Variants in RALGPS2 observed in about 807,000 individuals in gnomAD.
RALGPS2 encodes the protein Ral GEF with PH domain and SH3 binding motif 2, also known as ras-specific guanine nucleotide-releasing factor RalGPS2.
A neutral mutation model predicts 86.8 loss-of-function variants in RALGPS2; 43 were observed. The observed-to-expected ratio is 0.50, with a 90% CI of 0.39 to 0.64. RALGPS2 has a LOEUF of 0.64. Among genes scored for constraint, RALGPS2 ranks in the 30% least tolerant of loss-of-function variants. RALGPS2 has a pLI of 0.00. For synonymous variants in RALGPS2, 243 were observed against 231.3 expected, an observed-to-expected ratio of 1.05 and a Z score of -0.46; for missense variants, 536 against 694.6, an observed-to-expected ratio of 0.77 and a Z score of 2.57.
intron 1 of RALGPS2, among the ~76,000 whole-genome samples, chr1:178,760,979 C>CTTTTTTTTTTT (rs200598214): frequency 7.2e-6 from 1 of 138,096 alleles, no homozygotes; most frequent in Non-Finnish European, 1.6e-5. Context: ...AGACTTTATT[C>CTTTTTTTTTTT]TTTTTTTTTT....
chr1:178,846,698 C>G (rs1029176512), intron 8 of RALGPS2, among the ~76,000 whole-genome samples: 2 of 152,152 alleles, frequency 1.3e-5, no homozygotes, highest in African/African-American at 4.8e-5. Context: ...AAAATAAGAA[C>G]AGCAGCTATA....
At position 178,798,006 on chromosome 1, in the gene RALGPS2, C is replaced by A. The variant is rs1365021269; in HGVS notation, c.214-10039C>A. Among the ~76,000 whole-genome samples the A allele has an allele frequency of 2.8e-4, 30 of 106,722 alleles. 2 individuals carry two copies. The highest frequency in any genetic ancestry group is 6.8e-4 in the African/African-American group (17 of 25,096). The allele number at this position is 106,722 out of a possible 152,430, so 70.0% of individuals were successfully genotyped here. ...TTTGTAAAAAAAAAAAAAAAAAAAA[C>A]CACATAGCTTAGAAATATAAAAAAA... On this transcript the variant is annotated intron_variant, in intron 4 of 19. Coordinates refer to ENST00000367635, the MANE Select transcript of RALGPS2 (RefSeq NM_152663.5).
chr1:178,729,548 A>G (rs897747489), intron 1 of RALGPS2, among the ~76,000 whole-genome samples: 1 of 152,244 alleles, frequency 6.6e-6, no homozygotes, highest in South Asian at 2.1e-4. Flanking sequence ...AAATTGTACT[A>G]CAAGGGTTAT....
chr1:178,837,339 T>C (rs559874965), intron 8 of RALGPS2, among the ~76,000 whole-genome samples: 1 of 152,308 alleles, frequency 6.6e-6, no homozygotes, highest in Non-Finnish European at 1.5e-5. Flanking sequence ...GAATTCATCA[T>C]GTCTTCTTCT....
At chr1:178,820,376 C>T (rs1655440053) in intron 6 of RALGPS2, among the ~76,000 whole-genome samples, 1 of 152,208 alleles carries the variant, frequency 6.6e-6, no homozygotes, top group Non-Finnish European at 1.5e-5. Flanking sequence ...AGAGGCTTCA[C>T]ATGTAAAAAT....
intron 2 of RALGPS2, among the ~76,000 whole-genome samples, chr1:178,780,899 G>A (rs537831742): frequency 9.9e-5 from 15 of 151,786 alleles, no homozygotes; most frequent in South Asian, 4.1e-4. Context: ...AATTTTCTCC[G>A]TAAATGTATG....
At chr1:178,760,094 T>C (rs536977450) in intron 1 of RALGPS2, among the ~76,000 whole-genome samples, 9 of 152,344 alleles carry the variant, frequency 5.9e-5, no homozygotes, top group Non-Finnish European at 1.0e-4. Context: ...CTGATTGCCC[T>C]AGCTAGGACT....
chr1:178,766,680 T>G (rs192147184), intron 1 of RALGPS2, among the ~76,000 whole-genome samples: 164 of 152,330 alleles, frequency 1.1e-3, no homozygotes, highest in African/African-American at 3.6e-3. Context: ...CTTTAACATT[T>G]TTTCTTTCAT....
intron 19 of RALGPS2, among the ~76,000 whole-genome samples, chr1:178,912,578 T>C (rs1217092093): frequency 6.6e-6 from 1 of 152,168 alleles, no homozygotes; most frequent in Non-Finnish European, 1.5e-5. Flanking sequence ...GAGGTTCCCT[T>C]TACTGCCCCT....
At chr1:178,780,540 G>A (rs1243471230) in intron 2 of RALGPS2, among the ~76,000 whole-genome samples, 1 of 152,058 alleles carries the variant, frequency 6.6e-6, no homozygotes, top group Non-Finnish European at 1.5e-5. Context: ...TGCCCACTGA[G>A]CCTTTTATTC....
At chr1:178,863,640 A>C (rs960580830) in intron 8 of RALGPS2, among the ~76,000 whole-genome samples, 7 of 152,202 alleles carry the variant, frequency 4.6e-5, no homozygotes, top group Non-Finnish European at 1.0e-4. Flanking sequence ...GCTTTGGTTA[A>C]ATCAGGAGGG....
chr1:178,844,090 G>A (rs541414134), intron 8 of RALGPS2, among the ~76,000 whole-genome samples: 1 of 152,166 alleles, frequency 6.6e-6, no homozygotes, highest in Non-Finnish European at 1.5e-5. Flanking sequence ...ACATTTGATA[G>A]AAGTTGCCCT....
At chr1:178,882,095 G>A (rs571491013) in intron 10 of RALGPS2, among the ~76,000 whole-genome samples, 4 of 152,232 alleles carry the variant, frequency 2.6e-5, no homozygotes, top group South Asian at 2.1e-4. Context: ...GTGCTTTGAC[G>A]ATGTTGTAAG....
chr1:178,807,993 C>T (rs1019049643), intron 4 of RALGPS2, 52 bp from the exon 5 acceptor site: 7 of 1,140,376 alleles, frequency 6.1e-6, no homozygotes, highest in African/African-American at 3.1e-5. Context: ...CTTAATCTGG[C>T]AGAAAAAAAC....
At chr1:178,902,276 A>G (rs914024039) in intron 18 of RALGPS2, 65 bp downstream of exon 18, 47 of 1,246,090 alleles carry the variant, frequency 3.8e-5, no homozygotes, top group African/African-American at 7.4e-5. Flanking sequence ...GTATGTATGT[A>G]TGTGTGTGTG....
rs1179417539 is a variant in RALGPS2, at chr1:178,852,831, A to C, written c.607+19281A>C. On this transcript the variant is annotated intron_variant, in intron 8 of 19. Transcript: ENST00000367635. Reference sequence around the variant, plus strand: ...CCAGACGAAAGCTGCTGTATTCTGCATAGACTTTTTTATCACTCCAGTCTT... The same window carrying C: ...CCAGACGAAAGCTGCTGTATTCTGCCTAGACTTTTTTATCACTCCAGTCTT... 3.7e-6 allele frequency: 6 copies of C among 1,613,938 alleles called. No individual in the cohort carries two copies. In the South Asian group the frequency reaches 5.5e-5, roughly 15 times the overall value.
intron 1 of RALGPS2, among the ~76,000 whole-genome samples, chr1:178,766,481 A>G (rs1182450435): frequency 6.6e-6 from 1 of 151,674 alleles, no homozygotes; most frequent in Non-Finnish European, 1.5e-5. Flanking sequence ...TGCCCACCTC[A>G]GCCTCTCAAA....
intron 4 of RALGPS2, among the ~76,000 whole-genome samples, chr1:178,804,283 A>C (rs928105787): frequency 9.7e-5 from 11 of 113,164 alleles, no homozygotes; most frequent in Non-Finnish European, 1.7e-4. Flanking sequence ...TAATTGATTT[A>C]TTTATTATTA....
At chr1:178,801,695 A>C (rs1179397978) in intron 4 of RALGPS2, among the ~76,000 whole-genome samples, 1 of 152,138 alleles carries the variant, frequency 6.6e-6, no homozygotes, top group Non-Finnish European at 1.5e-5. Context: ...ATCATGAAAG[A>C]GATTGTGGAT....
Sources: allele counts gnomAD v4.1 joint callset (sites outside exome capture counted in the v4.1 genomes callset), GRCh38; gene constraint gnomAD v4.1.1; transcripts MANE v1.5; gene names NCBI Gene and HGNC (gene_info 2026-07-23, HGNC 2026-07-21).